The following TRPC4AP variants were observed in gnomAD, a reference collection of about 807,000 sequenced individuals.
TRPC4AP encodes short transient receptor potential channel 4-associated protein.
A neutral mutation model predicts 99.0 loss-of-function variants in TRPC4AP; 45 were observed. The ratio of observed to expected loss-of-function variants is 0.45; its 90% CI spans 0.36 to 0.58. The LOEUF (loss-of-function observed/expected upper bound fraction) is 0.58, where lower values mean the gene tolerates loss of function less well. Among genes scored for constraint, TRPC4AP ranks in the 20% least tolerant of loss-of-function variants. The probability of loss-of-function intolerance (pLI) is 0.00; values close to 1 mark genes in which losing one functional copy is unlikely to be tolerated. For missense variants in TRPC4AP, 879 were observed against 985.3 expected (o/e 0.89, Z 1.44); for synonymous variants, 408 against 385.8 (o/e 1.06, Z -0.67).
intron 1 of TRPC4AP, among the ~76,000 whole-genome samples, chr20:35,079,868 A>AT (rs892245536): frequency 1.3e-5 from 2 of 151,360 alleles, no homozygotes; most frequent in South Asian, 2.1e-4. Context: ...AATAAAAAAA[A>AT]AAAATAAGCC....
chr20:35,075,506 T>C (rs2084452340), intron 2 of TRPC4AP, among the ~76,000 whole-genome samples: 2 of 152,208 alleles, frequency 1.3e-5, no homozygotes, highest in Admixed American at 1.3e-4. Flanking sequence ...TTACTTCTCC[T>C]TCACTTATGA....
At chr20:35,042,230 T>C (rs150819680) in intron 7 of TRPC4AP, among the ~76,000 whole-genome samples, 216 of 152,172 alleles carry the variant, frequency 1.4e-3, no homozygotes, top group Non-Finnish European at 2.4e-3. Context: ...GAAAAGCAAA[T>C]CTAGAGAGAG....
chr20:35,063,259 G>C (rs1297318661), intron 3 of TRPC4AP, among the ~76,000 whole-genome samples: 2 of 152,200 alleles, frequency 1.3e-5, no homozygotes, highest in Non-Finnish European at 2.9e-5. Flanking sequence ...CAGGCCACAT[G>C]GAACTGTGAG....
chr20:35,020,738 C>T (rs1302680139), intron 9 of TRPC4AP, among the ~76,000 whole-genome samples: 2 of 152,160 alleles, frequency 1.3e-5, no homozygotes, highest in Non-Finnish European at 1.5e-5. Context: ...CCTCCTCCTC[C>T]GTCTTGGAAC....
intron 4 of TRPC4AP, among the ~76,000 whole-genome samples, chr20:35,056,792 C>G (rs1007071433): frequency 1.3e-5 from 2 of 151,202 alleles, no homozygotes; most frequent in African/African-American, 4.9e-5. Context: ...CCAGCCTGGT[C>G]AACATGGTGA....
chr20:35,013,570 T>G (rs917768835), intron 10 of TRPC4AP, among the ~76,000 whole-genome samples: 1 of 152,100 alleles, frequency 6.6e-6, no homozygotes, highest in Non-Finnish European at 1.5e-5. Context: ...TGATGGAGAC[T>G]CTGTCCCAAA....
chr20:35,055,334 T>C (rs146338517), intron 4 of TRPC4AP, among the ~76,000 whole-genome samples: 1 of 152,354 alleles, frequency 6.6e-6, no homozygotes, highest in African/African-American at 2.4e-5. Context: ...CCTTAATGTC[T>C]TGCTTAGGAT....
At chr20:35,005,905 G>T in intron 15 of TRPC4AP, 102 bp from the exon 16 acceptor site, 2 of 956,764 alleles carry the variant, frequency 2.1e-6, no homozygotes, top group Non-Finnish European at 3.2e-6. Context: ...ACCTCTACCA[G>T]CCCCACTGCT....
Position 35,004,555 on chromosome 20 carries a change from G to C in TRPC4AP, c.1952C>G (p.Ser651Cys), listed in dbSNP as rs1456242412. ...TATGTAGGCGAGCAGGCGGCATTCA[G>C]ACAGTACCTCGGCAACTGTGGAGGG... Reference protein sequence around the residue: ...QVDMKVAEVLSECRLLAYISQ... With the variant: ...QVDMKVAEVLCECRLLAYISQ... Residue 651 changes from serine to cysteine, a missense_variant, in exon 17 of 19, where the codon TCT (serine) becomes TGT (cysteine). Transcript: ENST00000252015. 1.2e-6 allele frequency: 2 copies of C among 1,613,916 alleles called. No homozygotes were observed. Among genetic ancestry groups the C allele is most frequent in the Non-Finnish European group, 1.7e-6 (2 of 1,179,882 alleles).
chr20:35,067,372 T>G (rs1237176267), intron 3 of TRPC4AP, among the ~76,000 whole-genome samples: 1 of 152,182 alleles, frequency 6.6e-6, no homozygotes, highest in East Asian at 1.9e-4. Context: ...TAACAAGTGT[T>G]GGCAAGGATA....
intron 1 of TRPC4AP, among the ~76,000 whole-genome samples, chr20:35,086,537 G>GTA (rs1289641922): frequency 1.5e-5 from 1 of 65,034 alleles, no homozygotes; most frequent in Admixed American, 1.7e-4. Context: ...GTGTGTGTGT[G>GTA]TGTGTGTGTG....
Position 35,003,185 on chromosome 20 carries a change from C to T in TRPC4AP, c.2355G>A (p.Glu785=). 1 of 1,614,252 alleles carries T rather than the reference C, an allele frequency of 6.2e-7. No individual in the cohort carries two copies. The highest frequency in any genetic ancestry group is 1.3e-5 in the African/African-American group (1 of 75,082). ...SPSALVSYIE[E]PYMDIDRDFT... ...AGTCCCTGTCTATGTCCATGTAGGG[C>T]TCCTCAATGTAGCTAACGAGAGCAG... The change falls in exon 19 of 19, where the codon GAG becomes GAA. Residue 785 remains glutamate (E), a synonymous_variant. Transcript: ENST00000252015.
chr20:35,084,543 T>C (rs1279495676), intron 1 of TRPC4AP, among the ~76,000 whole-genome samples: 1 of 147,722 alleles, frequency 6.8e-6, no homozygotes, highest in Admixed American at 6.8e-5. Flanking sequence ...TATATGTATA[T>C]GTATATATGT....
chr20:35,032,701 T>C (rs2083229851), intron 8 of TRPC4AP, among the ~76,000 whole-genome samples: 1 of 148,656 alleles, frequency 6.7e-6, no homozygotes. Context: ...CTCGATCTCC[T>C]GACCTCGTGA....
intron 9 of TRPC4AP, among the ~76,000 whole-genome samples, chr20:35,017,523 G>A (rs1250099211): frequency 6.6e-6 from 1 of 152,152 alleles, no homozygotes; most frequent in Non-Finnish European, 1.5e-5. Context: ...TGTAAGGATC[G>A]AGTCAGAAAG....
chr20:35,092,423 G>A (rs911451783), intron 1 of TRPC4AP, among the ~76,000 whole-genome samples, 191 bp downstream of exon 1: 4 of 152,198 alleles, frequency 2.6e-5, no homozygotes, highest in Non-Finnish European at 5.9e-5. Context: ...CCCTGACAAG[G>A]GACATCAAGC....
chr20:35,008,646 A>G lies in TRPC4AP; in HGVS notation c.1595+18T>C, dbSNP rs770241002. 6.8e-6 allele frequency: 11 copies of G among 1,610,188 alleles called. No homozygotes were observed. The highest frequency in any genetic ancestry group is 8.5e-6 in the Non-Finnish European group (10 of 1,178,028). On this transcript the variant is annotated intron_variant, in intron 13 of 18. Coordinates refer to ENST00000252015, the MANE Select transcript of TRPC4AP (RefSeq NM_015638.3). ...CTGCAGCCCCGCAGAATCGGCAGGTACTTTTCCCCAGACTCACCTGAAAGA... is the reference window on the plus strand; with the variant it reads ...CTGCAGCCCCGCAGAATCGGCAGGTGCTTTTCCCCAGACTCACCTGAAAGA...
chr20:35,044,673 A>C lies in TRPC4AP; in HGVS notation c.697T>G (p.Leu233Val). The part of the protein sequence containing the change: ...RLDEVPNLSS[L>V]VSNFDQQQLA... ...TGCTGCTGATCGAAATTGGATACTA[A>C]GGAACTCAGATTGGGGACTTCATCT... The change falls in exon 7 of 19, where the codon TTA (leucine) becomes GTA (valine). Residue 233 changes from leucine (L) to valine (V), a missense_variant. By Grantham distance (32) the Leu-to-Val change is conservative (BLOSUM62 1). Coordinates refer to ENST00000252015, the MANE Select transcript of TRPC4AP (RefSeq NM_015638.3). The C allele has an allele frequency of 6.2e-7, 1 of 1,614,228 alleles. No homozygotes were observed. Among genetic ancestry groups the C allele is most frequent in the Non-Finnish European group, 8.5e-7 (1 of 1,180,048 alleles).
At chr20:35,029,658 C>G (rs1335489064) in intron 8 of TRPC4AP, among the ~76,000 whole-genome samples, 3 of 85,768 alleles carry the variant, frequency 3.5e-5, no homozygotes, top group African/African-American at 1.4e-4. Flanking sequence ...TTTTTTGAGA[C>G]AGAGTCTCGC....
Sources: allele counts gnomAD v4.1 joint callset (sites outside exome capture counted in the v4.1 genomes callset), GRCh38; gene constraint gnomAD v4.1.1; transcripts MANE v1.5; gene names NCBI Gene and HGNC (gene_info 2026-07-23, HGNC 2026-07-21).